OR4K1: variants seen among roughly 807,000 people sequenced by gnomAD.
OR4K1 encodes olfactory receptor family 4 subfamily K member 1, also known as olfactory receptor 4K1.
A neutral mutation model predicts 14.4 loss-of-function variants in OR4K1; 16 were observed. The observed-to-expected ratio is 1.11, with a 90% CI of 0.75 to 1.68. The LOEUF is 1.68. OR4K1 is among the 40% of genes most tolerant of loss of function. OR4K1 has a pLI of 0.00. For synonymous variants in OR4K1, 181 were observed against 133.1 expected, an observed-to-expected ratio of 1.36 and a Z score of -2.48; for missense variants, 548 against 376.9, an observed-to-expected ratio of 1.45 and a Z score of -3.76.
chr14:19,926,531 C>G (rs8021245), upstream of OR4K1, among the ~76,000 whole-genome samples: 29,648 of 149,256 alleles, frequency 0.2, 1,604 homozygotes, highest in African/African-American at 0.27. Flanking sequence ...CTAGGGCAGG[C>G]TAGACTATCC....
At chr14:19,924,842 T>A in the OR4K1 span, among the ~76,000 whole-genome samples, 1 of 152,388 alleles carries the variant, frequency 6.6e-6, no homozygotes, top group Admixed American at 6.5e-5. Flanking sequence ...AATGAATTTC[T>A]AATTTAATTA....
chr14:19,928,473 T>A (rs1219631259), upstream of OR4K1, among the ~76,000 whole-genome samples: 2 of 152,198 alleles, frequency 1.3e-5, no homozygotes, highest in Non-Finnish European at 2.9e-5. Context: ...CTAATTCATG[T>A]CTTGTCTTTG....
chr14:19,922,874 G>A, the OR4K1 span, among the ~76,000 whole-genome samples: 4 of 152,266 alleles, frequency 2.6e-5, no homozygotes, highest in East Asian at 7.7e-4. Context: ...AAATTTATCA[G>A]CTGTTCAAAT....
At chr14:19,921,598 C>T in the OR4K1 span, 2 of 1,596,274 alleles carry the variant, frequency 1.3e-6, no homozygotes, top group Non-Finnish European at 1.7e-6. Flanking sequence ...CCTTCAAATT[C>T]CTCAGGTCAA....
chr14:19,927,642 A>G (rs540420491), upstream of OR4K1, among the ~76,000 whole-genome samples: 23 of 152,336 alleles, frequency 1.5e-4, no homozygotes, highest in African/African-American at 5.5e-4. Context: ...CTGTTGGCAG[A>G]AGGGAGTCAT....
At chr14:19,920,648 G>T in the OR4K1 span, 2 of 1,613,588 alleles carry the variant, frequency 1.2e-6, no homozygotes, top group African/African-American at 1.3e-5. Flanking sequence ...AATTTGTACT[G>T]TTGGGACTCT....
chr14:19,929,605 G>C (rs77864521), upstream of OR4K1, among the ~76,000 whole-genome samples: 1 of 152,158 alleles, frequency 6.6e-6, no homozygotes, highest in Non-Finnish European at 1.5e-5. Context: ...GCAATCAAAA[G>C]AAATGATTTC....
chr14:19,934,725 C>A (rs1005369545), intron 1 of OR4K1, among the ~76,000 whole-genome samples: 5 of 151,884 alleles, frequency 3.3e-5, no homozygotes, highest in Non-Finnish European at 7.4e-5. Flanking sequence ...GGCAGGAGTG[C>A]AGTGGTGTGA....
upstream of OR4K1, among the ~76,000 whole-genome samples, chr14:19,927,519 C>T (rs1034711173): frequency 2.0e-5 from 3 of 152,200 alleles, no homozygotes; most frequent in Non-Finnish European, 1.5e-5. Context: ...TGAGTGGGCT[C>T]TAAGTGTGTA....
intron 1 of OR4K1, among the ~76,000 whole-genome samples, chr14:19,934,692 C>CA (rs1447196949): frequency 6.6e-6 from 1 of 150,442 alleles, no homozygotes; most frequent in East Asian, 2.0e-4. Context: ...TTTTTTGAGA[C>CA]AGAGTTTCAC....
intron 1 of OR4K1, 68 bp from the exon 2 acceptor site, chr14:19,935,580 T>G (rs1487518140): frequency 1.7e-6 from 2 of 1,167,238 alleles, no homozygotes; most frequent in African/African-American, 3.1e-5. Context: ...ACTATATTTC[T>G]TTTGTTTATA....
At chr14:19,925,107 T>C in the OR4K1 span, among the ~76,000 whole-genome samples, 1 of 152,208 alleles carries the variant, frequency 6.6e-6, no homozygotes, top group African/African-American at 2.4e-5. Context: ...TTCCCTGCAC[T>C]GCTGACAAAT....
rs1420438054 is a variant in OR4K1, at chr14:19,936,083, G to A, written c.417G>A (p.Arg139=). 6.2e-7 allele frequency: 1 copy of A among 1,614,092 alleles called. No individual in the cohort carries two copies. The highest frequency in any genetic ancestry group is 8.5e-7 in the Non-Finnish European group (1 of 1,180,048). The change falls in exon 2 of 2, where the codon AGG becomes AGA. Residue 139 remains arginine, a synonymous_variant. Coordinates refer to ENST00000641172, the MANE Select transcript of OR4K1 (RefSeq NM_001004063.3). ...PLHYSTIMNR[R]LCVIFVSISW... ...ACTACAGTACAATTATGAACCGGAG[G>A]CTCTGTGTAATTTTTGTGTCTATTT...
the OR4K1 span, chr14:19,921,133 G>T: frequency 5.0e-6 from 8 of 1,614,040 alleles, no homozygotes; most frequent in Non-Finnish European, 6.8e-6. Context: ...GTAGTAGACA[G>T]CTTTTTTTGT....
the OR4K1 span, chr14:19,920,993 C>G: frequency 6.2e-7 from 1 of 1,614,024 alleles, no homozygotes; most frequent in Non-Finnish European, 8.5e-7. Flanking sequence ...TATGCAAACC[C>G]TTATACTATG....
At chr14:19,922,387 G>C in the OR4K1 span, among the ~76,000 whole-genome samples, 1 of 152,336 alleles carries the variant, frequency 6.6e-6, no homozygotes, top group Non-Finnish European at 1.5e-5. Context: ...TTTATTGCCA[G>C]CCTTGGCCTT....
chr14:19,924,203 C>T, the OR4K1 span, among the ~76,000 whole-genome samples: 1 of 152,074 alleles, frequency 6.6e-6, no homozygotes, highest in African/African-American at 2.4e-5. Context: ...GAATTCAAGA[C>T]CAGCCTGACC....
the OR4K1 span, chr14:19,921,608 A>G: frequency 6.4e-7 from 1 of 1,573,274 alleles, no homozygotes; most frequent in Non-Finnish European, 8.6e-7. Flanking sequence ...CCTCAGGTCA[A>G]TACACTGTTT....
the OR4K1 span, chr14:19,920,435 C>T: frequency 1.9e-5 from 13 of 688,630 alleles, no homozygotes; most frequent in Non-Finnish European, 3.1e-5. Context: ...CTATTATCCA[C>T]CTATCCAGAC....
Sources: gnomAD v4.1 joint callset for allele counts (sites outside exome capture counted in the v4.1 genomes callset) on GRCh38, gnomAD v4.1.1 for gene constraint, MANE v1.5 for transcripts, NCBI Gene and HGNC (gene_info 2026-07-23, HGNC 2026-07-21) for gene names.